DLG2: variants seen among roughly 807,000 people sequenced by gnomAD.
The protein encoded by DLG2 is disks large homolog 2.
DLG2 carries 45 observed loss-of-function variants against 132.5 expected under a neutral mutation model. That is an observed-to-expected ratio of 0.34 (90% confidence interval 0.27 to 0.44). DLG2 has a LOEUF of 0.44. Among genes scored for constraint, DLG2 ranks in the 20% least tolerant of loss-of-function variants. The pLI, the probability that DLG2 is intolerant of heterozygous loss-of-function variation, is 1.00. For synonymous variants in DLG2, 424 were observed against 419.6 expected (o/e 1.01, Z -0.13); for missense variants, 1,045 against 1,196.9 (o/e 0.87, Z 1.87).
At chr11:84,003,052 C>G (rs1011889394) in intron 11 of DLG2, among the ~76,000 whole-genome samples, 12 of 152,198 alleles carry the variant, frequency 7.9e-5, no homozygotes, top group African/African-American at 2.4e-4. Context: ...CCTAAATCAT[C>G]TCTCTTAAGT....
At chr11:84,649,654 C>T (rs1447603312) in intron 6 of DLG2, among the ~76,000 whole-genome samples, 1 of 152,146 alleles carries the variant, frequency 6.6e-6, no homozygotes, top group Non-Finnish European at 1.5e-5. Context: ...TTTTCTGTAA[C>T]TCTTTATTTG....
intron 19 of DLG2, among the ~76,000 whole-genome samples, chr11:83,543,722 T>C (rs1255886123): frequency 5.3e-5 from 8 of 152,190 alleles, no homozygotes; most frequent in Admixed American, 3.9e-4. Flanking sequence ...ATAGTAAGTA[T>C]GAACTAATGT....
intron 16 of DLG2, among the ~76,000 whole-genome samples, chr11:83,866,318 G>A (rs554709952): frequency 6.6e-6 from 1 of 152,270 alleles, no homozygotes; most frequent in South Asian, 2.1e-4. Flanking sequence ...TGGGGCTACA[G>A]TTAGAAAGTT....
intron 8 of DLG2, among the ~76,000 whole-genome samples, chr11:84,169,522 C>A (rs1303443374): frequency 6.6e-6 from 1 of 152,122 alleles, no homozygotes; most frequent in Non-Finnish European, 1.5e-5. Flanking sequence ...AGATGCACTG[C>A]CTTGTGTATA....
intron 21 of DLG2, among the ~76,000 whole-genome samples, chr11:83,526,911 C>A (rs1169175899): frequency 3.3e-5 from 5 of 152,162 alleles, no homozygotes; most frequent in African/African-American, 1.2e-4. Context: ...CACTTCCTCC[C>A]TGTAGACACT....
At chr11:83,756,041 A>G (rs1208773090) in intron 18 of DLG2, among the ~76,000 whole-genome samples, 2 of 151,396 alleles carry the variant, frequency 1.3e-5, no homozygotes, top group East Asian at 3.8e-4. Context: ...TCCTCGGTAT[A>G]TTTAATTCTT....
At chr11:85,420,896 C>G (rs448347) in intron 3 of DLG2, among the ~76,000 whole-genome samples, 23 of 152,338 alleles carry the variant, frequency 1.5e-4, no homozygotes, top group African/African-American at 4.8e-4. Context: ...ATCCACTGAG[C>G]TAGACCACTT....
chr11:85,095,015 A>G (rs954665034), intron 6 of DLG2, among the ~76,000 whole-genome samples: 1 of 152,204 alleles, frequency 6.6e-6, no homozygotes, highest in African/African-American at 2.4e-5. Context: ...TGTCTCAAAA[A>G]ACAGAGAAGC....
At chr11:84,638,715 C>T (rs1283439634) in intron 6 of DLG2, among the ~76,000 whole-genome samples, 2 of 152,106 alleles carry the variant, frequency 1.3e-5, no homozygotes, top group African/African-American at 2.4e-5. Flanking sequence ...TCCAGAGACT[C>T]CATAACTCAC....
chr11:84,124,268 A>G (rs1398375733), intron 9 of DLG2, among the ~76,000 whole-genome samples: 3 of 152,188 alleles, frequency 2.0e-5, no homozygotes, highest in African/African-American at 7.2e-5. Flanking sequence ...GAGAGGTGAC[A>G]TAAAATGTGA....
At chr11:85,403,485 A>G (rs1199105246) in intron 3 of DLG2, among the ~76,000 whole-genome samples, 1 of 152,106 alleles carries the variant, frequency 6.6e-6, no homozygotes, top group African/African-American at 2.4e-5. Flanking sequence ...AACTTAAAGT[A>G]TAATAAAAAA....
At chr11:84,335,274 G>A (rs1367655404) in intron 7 of DLG2, among the ~76,000 whole-genome samples, 2 of 151,544 alleles carry the variant, frequency 1.3e-5, no homozygotes, top group Non-Finnish European at 2.9e-5. Flanking sequence ...GGAAGGGAGG[G>A]AGGGAGGAAA....
intron 7 of DLG2, among the ~76,000 whole-genome samples, chr11:84,513,483 A>G (rs540533811): frequency 6.6e-6 from 1 of 152,240 alleles, no homozygotes; most frequent in South Asian, 2.1e-4. Context: ...TGGCATAAAA[A>G]CAGAGAAATA....
intron 3 of DLG2, among the ~76,000 whole-genome samples, chr11:85,325,263 G>A (rs1217543737): frequency 2.0e-5 from 3 of 152,214 alleles, no homozygotes; most frequent in Non-Finnish European, 2.9e-5. Context: ...ACTGGGCGGA[G>A]CCCACCACAG....
chr11:84,392,874 T>C (rs991285463), intron 7 of DLG2, among the ~76,000 whole-genome samples: 2 of 152,220 alleles, frequency 1.3e-5, no homozygotes, highest in African/African-American at 4.8e-5. Flanking sequence ...ACCCTTCGGC[T>C]GGGCTTCTTT....
At position 84,409,011 on chromosome 11, in the gene DLG2, C is replaced by T. The variant is rs12288867; in HGVS notation, c.519+125559G>A. On this transcript the variant is annotated intron_variant, in intron 7 of 27. Coordinates refer to ENST00000376104, the MANE Select transcript of DLG2 (RefSeq NM_001142699.3). ...TCTAAAGTTTAAAATCCTCCGATGA[C>T]TCACCATTTACAAAGGCCTTCAATG... is the stretch of plus-strand genomic sequence containing the variant. Among the ~76,000 whole-genome samples, 761 of 152,300 alleles carry T rather than the reference C, an allele frequency of 5.0e-3. 3 individuals are homozygous for T. The highest frequency in any genetic ancestry group is 8.7e-3 in the Non-Finnish European group (589 of 68,034).
intron 3 of DLG2, among the ~76,000 whole-genome samples, chr11:85,339,725 T>C (rs2082357162): frequency 6.6e-6 from 1 of 152,230 alleles, no homozygotes; most frequent in Non-Finnish European, 1.5e-5. Flanking sequence ...CTTCTTTGTA[T>C]ATTAAGAATA....
intron 3 of DLG2, among the ~76,000 whole-genome samples, chr11:85,462,957 C>T (rs2092665278): frequency 6.6e-6 from 1 of 152,170 alleles, no homozygotes. Context: ...AGCTGTATCT[C>T]TCTTCACACA....
At chr11:84,731,838 G>A (rs189432226) in intron 6 of DLG2, among the ~76,000 whole-genome samples, 16 of 151,992 alleles carry the variant, frequency 1.1e-4, no homozygotes, top group African/African-American at 3.1e-4. Context: ...TTCAACATAC[G>A]TATACATCTG....
Sources: gnomAD v4.1 joint callset for allele counts (sites outside exome capture counted in the v4.1 genomes callset) on GRCh38, gnomAD v4.1.1 for gene constraint, MANE v1.5 for transcripts, NCBI Gene and HGNC (gene_info 2026-07-23, HGNC 2026-07-21) for gene names.